Variants in PTPRD observed in about 807,000 individuals in gnomAD.
PTPRD encodes receptor-type tyrosine-protein phosphatase delta.
Under a neutral mutation model 214.5 loss-of-function variants are expected in PTPRD, and 34 were observed. That is an observed-to-expected ratio of 0.16 (90% confidence interval 0.12 to 0.21). The LOEUF is 0.21. Ranked by LOEUF, PTPRD falls within the 10% of genes least tolerant of loss-of-function variation. PTPRD has a pLI of 1.00. For synonymous variants in PTPRD, 1,128 were observed against 845.7 expected, an observed-to-expected ratio of 1.33 and a Z score of -5.79; for missense variants, 2,545 against 2,398.7, an observed-to-expected ratio of 1.06 and a Z score of -1.27.
chr9:9,011,305 G>C (rs769759370), intron 11 of PTPRD, among the ~76,000 whole-genome samples: 2 of 152,140 alleles, frequency 1.3e-5, no homozygotes, highest in Non-Finnish European at 2.9e-5. Flanking sequence ...CATCCTGGAA[G>C]ACTAGTAAGC....
intron 10 of PTPRD, among the ~76,000 whole-genome samples, chr9:9,137,396 T>C (rs1047389614): frequency 2.0e-5 from 3 of 152,190 alleles, no homozygotes; most frequent in Non-Finnish European, 4.4e-5. Context: ...TTTGAGAAGT[T>C]GTAAAGTTAC....
At chr9:9,416,089 T>C (rs1010857838) in intron 8 of PTPRD, among the ~76,000 whole-genome samples, 8 of 152,186 alleles carry the variant, frequency 5.3e-5, no homozygotes, top group African/African-American at 1.9e-4. Flanking sequence ...CCAAGTCCAG[T>C]TGATTCTGTC....
At chr9:10,127,263 G>A (rs569925708) in intron 3 of PTPRD, among the ~76,000 whole-genome samples, 34 of 152,252 alleles carry the variant, frequency 2.2e-4, no homozygotes, top group African/African-American at 8.2e-4. Context: ...AATGTCCTGA[G>A]TATGATTCCT....
At chr9:10,230,436 G>GTACC (rs2099605032) in intron 3 of PTPRD, among the ~76,000 whole-genome samples, 2 of 140,636 alleles carry the variant, frequency 1.4e-5, no homozygotes, top group Non-Finnish European at 3.1e-5. Flanking sequence ...ATGTATCTAT[G>GTACC]TATCTATCTA....
At chr9:8,559,757 C>A (rs899190154) in intron 14 of PTPRD, among the ~76,000 whole-genome samples, 1 of 152,196 alleles carries the variant, frequency 6.6e-6, no homozygotes, top group East Asian at 1.9e-4. Flanking sequence ...TTGAGCCCAT[C>A]ACAGTTTAGC....
intron 10 of PTPRD, among the ~76,000 whole-genome samples, chr9:9,081,432 G>C (rs1261165849): frequency 1.3e-5 from 2 of 152,112 alleles, no homozygotes; most frequent in South Asian, 2.1e-4. Flanking sequence ...GTCAATTTTA[G>C]AATAAGTGTG....
At chr9:8,954,053 T>C (rs1160809424) in intron 11 of PTPRD, among the ~76,000 whole-genome samples, 1 of 152,034 alleles carries the variant, frequency 6.6e-6, no homozygotes, top group Non-Finnish European at 1.5e-5. Context: ...CATATGTTCA[T>C]TGCAGTGCTA....
chr9:9,083,315 T>C (rs1349998418), intron 10 of PTPRD, among the ~76,000 whole-genome samples: 2 of 152,162 alleles, frequency 1.3e-5, no homozygotes, highest in Non-Finnish European at 2.9e-5. Context: ...ATTCCCTATT[T>C]AATAATCCTG....
At chr9:10,318,004 T>C (rs1260997767) in intron 3 of PTPRD, among the ~76,000 whole-genome samples, 1 of 152,066 alleles carries the variant, frequency 6.6e-6, no homozygotes, top group African/African-American at 2.4e-5. Flanking sequence ...AATTTAACTA[T>C]TTAGTCATTT....
intron 3 of PTPRD, among the ~76,000 whole-genome samples, chr9:10,238,030 G>A (rs1016071986): frequency 1.3e-4 from 15 of 118,964 alleles, no homozygotes; most frequent in Middle Eastern, 4.4e-3. Flanking sequence ...GTTCCCATTT[G>A]CTTTTTTTTT....
At chr9:9,293,386 G>GTTT (rs137924508) in intron 9 of PTPRD, among the ~76,000 whole-genome samples, 26 of 138,432 alleles carry the variant, frequency 1.9e-4, no homozygotes, top group South Asian at 4.5e-4. Flanking sequence ...TTGTTTGTTT[G>GTTT]TTCTTTTTTT....
At chr9:10,040,933 T>C (rs961566842) in intron 3 of PTPRD, among the ~76,000 whole-genome samples, 1 of 152,076 alleles carries the variant, frequency 6.6e-6, no homozygotes, top group South Asian at 2.1e-4. Context: ...CCAAATTTAC[T>C]GTAATGTGGG....
chr9:8,779,355 A>C (rs1442551811), intron 11 of PTPRD, among the ~76,000 whole-genome samples: 3 of 151,722 alleles, frequency 2.0e-5, no homozygotes, highest in Non-Finnish European at 2.9e-5. Flanking sequence ...AGAGATGAAA[A>C]CATCTCTCAG....
intron 3 of PTPRD, among the ~76,000 whole-genome samples, chr9:10,113,223 C>A (rs1289787975): frequency 2.6e-5 from 4 of 152,160 alleles, no homozygotes; most frequent in African/African-American, 9.6e-5. Context: ...GTTTCCAGTG[C>A]TTTCATAAAA....
intron 9 of PTPRD, among the ~76,000 whole-genome samples, chr9:9,338,242 A>G (rs1407865608): frequency 6.6e-6 from 1 of 152,204 alleles, no homozygotes; most frequent in African/African-American, 2.4e-5. Context: ...TTTAGAAGAC[A>G]AGGTTTAACA....
At chr9:9,236,931 C>T (rs1469038667) in intron 9 of PTPRD, among the ~76,000 whole-genome samples, 1 of 152,132 alleles carries the variant, frequency 6.6e-6, no homozygotes, top group African/African-American at 2.4e-5. Context: ...GAAAAGGCTG[C>T]ACCTTTTTGC....
chr9:10,322,205 T>A lies in PTPRD; in HGVS notation c.-545+18758A>T, dbSNP rs150335108. 5.1e-3 allele frequency among the ~76,000 whole-genome samples: 769 copies of A among 152,140 alleles called. 11 individuals carry two copies. The highest frequency in any genetic ancestry group is 0.022 in the South Asian group (104 of 4,818). On this transcript the variant is annotated intron_variant, in intron 3 of 45. Coordinates refer to ENST00000381196, the MANE Select transcript of PTPRD (RefSeq NM_002839.4). ...AACCATGAATATGAACATCTTGCAG[T>A]CAGTTTAATGCATGACAGACCCATA...
chr9:9,275,484 C>A (rs1463936401), intron 9 of PTPRD, among the ~76,000 whole-genome samples: 1 of 150,830 alleles, frequency 6.6e-6, no homozygotes, highest in Non-Finnish European at 1.5e-5. Context: ...TTTTCCTGAT[C>A]TTACATATCT....
In PTPRD at chr9:8,618,281, C is replaced by T. The variant is rs78675036; in HGVS notation, c.352+15036G>A. ...TGTAAGATATTTGGGTTCTGAATAA[C>T]AGATTACCATGTCCCTTAATCTGAT... On this transcript the variant is annotated intron_variant, in intron 14 of 45. Transcript: ENST00000381196. 8.5e-3 allele frequency among the ~76,000 whole-genome samples: 1,297 copies of T among 152,156 alleles called. 13 individuals are homozygous for T. The highest frequency in any genetic ancestry group is 0.014 in the Non-Finnish European group (943 of 67,988).
Sources: allele counts gnomAD v4.1 joint callset (sites outside exome capture counted in the v4.1 genomes callset), GRCh38; gene constraint gnomAD v4.1.1; transcripts MANE v1.5; gene names NCBI Gene and HGNC (gene_info 2026-07-23, HGNC 2026-07-21).